Variants in THADA observed in about 807,000 individuals in gnomAD.
THADA encodes the protein tRNA (32-2'-O)-methyltransferase regulator THADA.
In THADA, 213 loss-of-function variants were observed where a neutral mutation model predicts 219.8. The observed-to-expected ratio is 0.97, with a 90% confidence interval of 0.87 to 1.09. The LOEUF is 1.09. Ranked by LOEUF, THADA falls within the 50% of genes least tolerant of loss-of-function variation. The pLI is 0.00. For synonymous variants in THADA, 1,018 were observed against 828.9 expected (o/e 1.23, Z -3.92); for missense variants, 2,956 against 2,311.3 (o/e 1.28, Z -5.72).
intron 31 of THADA, among the ~76,000 whole-genome samples, chr2:43,296,321 G>A (rs1007444093): frequency 6.6e-6 from 1 of 151,434 alleles, no homozygotes; most frequent in Admixed American, 6.6e-5. Context: ...GGTCACCCAG[G>A]CTGGAGTGCA....
intron 31 of THADA, among the ~76,000 whole-genome samples, chr2:43,304,338 C>T (rs539356668): frequency 7.2e-5 from 11 of 152,136 alleles, no homozygotes; most frequent in South Asian, 2.1e-4. Context: ...CAGTCAGTAT[C>T]CATGAAGGCA....
At position 43,560,221 on chromosome 2, in the gene THADA, A is replaced by G. The variant is rs1697887747; in HGVS notation, c.2463+13T>C. 3.7e-6 allele frequency: 6 copies of G among 1,606,656 alleles called. No homozygotes were observed. The highest frequency in any genetic ancestry group is 1.1e-5 in the South Asian group (1 of 89,416). ...ATGCATATACCACATTTATACTAGA[A>G]AAGTCCTGATACCTGAAAATGTACA... is the stretch of plus-strand genomic sequence containing the variant. On this transcript the variant is annotated intron_variant, in intron 16 of 37. Coordinates refer to ENST00000405975, the MANE Select transcript of THADA (RefSeq NM_022065.5).
intron 36 of THADA, among the ~76,000 whole-genome samples, chr2:43,273,618 C>T (rs1672384355): frequency 6.6e-6 from 1 of 152,198 alleles, no homozygotes; most frequent in African/African-American, 2.4e-5. Flanking sequence ...GAAAAAAGCA[C>T]AGGGCCTGCT....
intron 10 of THADA, 136 bp downstream of exon 10, chr2:43,576,886 C>T: frequency 5.3e-6 from 4 of 753,806 alleles, no homozygotes; most frequent in Non-Finnish European, 8.9e-6. Context: ...AACTCCTGGC[C>T]TCAAGTGATC....
At chr2:43,481,140 T>TA (rs2104998283) in intron 26 of THADA, among the ~76,000 whole-genome samples, 1 of 152,324 alleles carries the variant, frequency 6.6e-6, no homozygotes, top group East Asian at 1.9e-4. Context: ...AAAATCTCTC[T>TA]ATAAGCACGA....
At chr2:43,250,866 T>C (rs532672855) in intron 36 of THADA, among the ~76,000 whole-genome samples, 3 of 152,232 alleles carry the variant, frequency 2.0e-5, no homozygotes, top group African/African-American at 7.2e-5. Context: ...GTGGGCCCAT[T>C]TGCTTTAAAG....
chr2:43,249,123 G>C (rs1353551631), intron 36 of THADA, among the ~76,000 whole-genome samples: 1 of 151,622 alleles, frequency 6.6e-6, no homozygotes, highest in Non-Finnish European at 1.5e-5. Context: ...TAACTATGTT[G>C]CCCAGGCTGG....
At chr2:43,578,920 T>C (rs941754388) in intron 8 of THADA, among the ~76,000 whole-genome samples, 6 of 152,078 alleles carry the variant, frequency 3.9e-5, no homozygotes, top group Non-Finnish European at 8.8e-5. Context: ...CAACCTCTAC[T>C]TCCTGGGTTC....
intron 1 of THADA, among the ~76,000 whole-genome samples, chr2:43,594,119 C>A (rs1048021338): frequency 2.5e-4 from 38 of 152,208 alleles, no homozygotes; most frequent in African/African-American, 8.7e-4. Context: ...TCTTGGACTC[C>A]TGAAACAGCT....
chr2:43,310,186 G>A (rs943084148), intron 31 of THADA, among the ~76,000 whole-genome samples: 1 of 149,822 alleles, frequency 6.7e-6, no homozygotes. Context: ...GATTCCAGCT[G>A]GCTTTTTCTT....
intron 26 of THADA, among the ~76,000 whole-genome samples, chr2:43,458,288 T>C (rs1403961342): frequency 2.0e-5 from 3 of 152,188 alleles, no homozygotes; most frequent in Non-Finnish European, 4.4e-5. Flanking sequence ...AGGATTCCTT[T>C]TCCTTTCTTC....
At chr2:43,321,204 A>T (rs1348923086) in intron 30 of THADA, among the ~76,000 whole-genome samples, 2 of 152,186 alleles carry the variant, frequency 1.3e-5, no homozygotes, top group African/African-American at 4.8e-5. Flanking sequence ...AACAGCACTG[A>T]AGGGCCTTGA....
At chr2:43,291,482 A>AAAAAAAAAAAAT (rs1674711254) in intron 34 of THADA, among the ~76,000 whole-genome samples, 1 of 142,204 alleles carries the variant, frequency 7.0e-6, no homozygotes. Flanking sequence ...AAAAAAAAAA[A>AAAAAAAAAAAAT]TCCTAAAACA....
intron 4 of THADA, among the ~76,000 whole-genome samples, chr2:43,589,101 G>C (rs1439509059): frequency 6.6e-6 from 1 of 152,082 alleles, no homozygotes; most frequent in Non-Finnish European, 1.5e-5. Flanking sequence ...ATTACCATAT[G>C]GTCCAGCAAT....
intron 31 of THADA, among the ~76,000 whole-genome samples, chr2:43,306,734 T>C (rs1676908503): frequency 6.6e-6 from 1 of 152,234 alleles, no homozygotes; most frequent in South Asian, 2.1e-4. Flanking sequence ...CCTATTTTAA[T>C]GTGAAGTCCA....
intron 4 of THADA, among the ~76,000 whole-genome samples, chr2:43,588,080 T>C (rs1053946713): frequency 6.6e-6 from 1 of 152,160 alleles, no homozygotes; most frequent in African/African-American, 2.4e-5. Flanking sequence ...AAGTGTGGTG[T>C]TGGTGTATGA....
chr2:43,376,043 T>C (rs1377861019), intron 29 of THADA, among the ~76,000 whole-genome samples: 1 of 152,186 alleles, frequency 6.6e-6, no homozygotes, highest in Non-Finnish European at 1.5e-5. Flanking sequence ...AGAGCCAATA[T>C]TTACAGCATG....
intron 25 of THADA, among the ~76,000 whole-genome samples, chr2:43,488,691 T>C (rs146058660): frequency 6.6e-6 from 1 of 152,330 alleles, no homozygotes; most frequent in African/African-American, 2.4e-5. Flanking sequence ...CATGACTATA[T>C]ACCTAGAAGT....
intron 7 of THADA, among the ~76,000 whole-genome samples, chr2:43,584,567 C>A (rs933443604): frequency 1.3e-5 from 2 of 152,114 alleles, no homozygotes; most frequent in African/African-American, 4.8e-5. Flanking sequence ...CTCCTCAAAC[C>A]AACAGCCATG....
Sources: gnomAD v4.1 joint callset for allele counts (sites outside exome capture counted in the v4.1 genomes callset) on GRCh38, gnomAD v4.1.1 for gene constraint, MANE v1.5 for transcripts, NCBI Gene and HGNC (gene_info 2026-07-23, HGNC 2026-07-21) for gene names.